GABRR3: variants seen among roughly 807,000 people sequenced by gnomAD.
GABRR3 encodes gamma-aminobutyric acid type A receptor subunit rho3.
In GABRR3, 29 loss-of-function variants were observed where a neutral mutation model predicts 43.2. That is an observed-to-expected ratio of 0.67 (90% confidence interval 0.50 to 0.92). The LOEUF is 0.92. GABRR3 is among the 40% of genes least tolerant of loss of function. The pLI, the probability that GABRR3 is intolerant of heterozygous loss-of-function variation, is 0.00. For synonymous variants in GABRR3, 206 were observed against 195.9 expected (o/e 1.05, Z -0.43); for missense variants, 576 against 572.3 (o/e 1.01, Z -0.07).
chr3:98,032,035 A>G (rs1455256307), intron 2 of GABRR3, among the ~76,000 whole-genome samples: 1 of 151,982 alleles, frequency 6.6e-6, no homozygotes, highest in Admixed American at 6.6e-5. Context: ...GGCTACCAAC[A>G]ACATGCATGG....
chr3:98,006,999 C>T (rs558378694), intron 7 of GABRR3, among the ~76,000 whole-genome samples: 4 of 152,170 alleles, frequency 2.6e-5, no homozygotes, highest in Admixed American at 2.6e-4. Context: ...GCATCTGTCA[C>T]GTGCCAAGAA....
At chr3:97,987,488 G>A (rs1291797967) in intron 9 of GABRR3, among the ~76,000 whole-genome samples, 2 of 152,336 alleles carry the variant, frequency 1.3e-5, no homozygotes, top group African/African-American at 4.8e-5. Context: ...GCAGCTGTTA[G>A]TAATTGCTCT....
intron 3 of GABRR3, among the ~76,000 whole-genome samples, chr3:98,018,044 T>C (rs1049850838): frequency 2.6e-5 from 4 of 151,272 alleles, no homozygotes; most frequent in African/African-American, 9.7e-5. Flanking sequence ...TTTTACCTAC[T>C]AGTGATTTAA....
chr3:98,028,297 G>A (rs1707046952), intron 2 of GABRR3, among the ~76,000 whole-genome samples: 1 of 152,034 alleles, frequency 6.6e-6, no homozygotes, highest in African/African-American at 2.4e-5. Flanking sequence ...TCATATATGT[G>A]GAAGTACATG....
chr3:98,022,543 C>T (rs1034820753), intron 3 of GABRR3, among the ~76,000 whole-genome samples: 9 of 152,054 alleles, frequency 5.9e-5, no homozygotes, highest in Non-Finnish European at 1.0e-4. Flanking sequence ...TCTGATTTCC[C>T]CAAGGAAGGC....
chr3:98,025,467 C>A, intron 3 of GABRR3, 100 bp downstream of exon 3: 1 of 691,264 alleles, frequency 1.4e-6, no homozygotes, highest in Non-Finnish European at 2.4e-6. Flanking sequence ...TTGTTTTAAA[C>A]TGATGGACTT....
rs554877377 is a variant in GABRR3, at chr3:98,026,142, C to T, written c.126-463G>A. Among the ~76,000 whole-genome samples the T allele has an allele frequency of 8.5e-5, 13 of 152,192 alleles. No homozygotes were observed. In the South Asian group the frequency reaches 1.0e-3, roughly 12 times the overall value. On this transcript the variant is annotated intron_variant, in intron 2 of 9. Transcript: ENST00000621172. ...TCTCTGCACGAAGACAGCGAGAAAACGAAAGGACCGCAAGATTGTAAACAG... is the reference window on the plus strand; with the variant it reads ...TCTCTGCACGAAGACAGCGAGAAAATGAAAGGACCGCAAGATTGTAAACAG...
chr3:98,012,521 C>T lies in GABRR3; in HGVS notation c.353G>A (p.Arg118Lys), dbSNP rs1706806839. Residue 118 changes from arginine (R) to lysine (K), a missense_variant, in exon 5 of 10, where the codon AGG becomes AAG. Physicochemically the swap from Arg to Lys is conservative, Grantham distance 26. Transcript: ENST00000621172. The stretch of plus-strand genomic sequence containing the variant: ...GTTTGCTGTGCTAGGAAAGGAGAGC[C>T]TCTCGTCTTTCCAGTAATGCCTGAG... 1 of 1,613,936 alleles carries T rather than the reference C, an allele frequency of 6.2e-7. No homozygotes were observed. The highest frequency in any genetic ancestry group is 1.3e-5 in the African/African-American group (1 of 75,028).
chr3:98,012,519 G>A, exon 5 of GABRR3: 2 of 1,613,972 alleles, frequency 1.2e-6, no homozygotes, highest in Non-Finnish European at 1.7e-6. Flanking sequence ...GGAAAGGAGA[G>A]CCTCTCGTCT....
chr3:97,989,478 G>A (rs1706434554), intron 9 of GABRR3, among the ~76,000 whole-genome samples: 1 of 151,370 alleles, frequency 6.6e-6, no homozygotes, highest in East Asian at 1.9e-4. Flanking sequence ...GATGGTGGTA[G>A]AGGGTGGATG....
At chr3:97,992,818 C>T (rs974489553) in intron 9 of GABRR3, 34 bp downstream of exon 9, 5 of 1,552,350 alleles carry the variant, frequency 3.2e-6, no homozygotes, top group Non-Finnish European at 2.6e-6. Context: ...TTCCACATTC[C>T]CCAAGGGATC....
At chr3:98,008,909 G>A (rs832029) in intron 6 of GABRR3, 47 bp downstream of exon 6, 825,796 of 1,037,800 alleles carry the variant, frequency 0.8, 331,490 homozygotes, top group East Asian at 0.99. Context: ...GTATGTGATG[G>A]TGTGTTCAAA....
chr3:97,995,992 C>G (rs1706549329), intron 8 of GABRR3, among the ~76,000 whole-genome samples: 1 of 152,126 alleles, frequency 6.6e-6, no homozygotes, highest in African/African-American at 2.4e-5. Context: ...CTCTTGCAGC[C>G]TCAACATATT....
At chr3:98,017,692 T>C in exon 4 of GABRR3, 1 of 1,611,298 alleles carries the variant, frequency 6.2e-7, no homozygotes, top group South Asian at 1.1e-5. Context: ...GCTTTCAACA[T>C]GGACATCTAT....
chr3:98,012,306 G>T, intron 5 of GABRR3, 38 bp downstream of exon 5: 1 of 1,506,736 alleles, frequency 6.6e-7, no homozygotes, highest in Non-Finnish European at 9.2e-7. Context: ...GATGGCTGCA[G>T]TACAGGGAAG....
chr3:98,033,234 C>T (rs1707112556), intron 2 of GABRR3, among the ~76,000 whole-genome samples: 1 of 152,078 alleles, frequency 6.6e-6, no homozygotes, highest in Admixed American at 6.6e-5. Flanking sequence ...TTAATGAATC[C>T]CATTCTGGCT....
intron 4 of GABRR3, 51 bp downstream of exon 4, chr3:98,017,604 C>T (rs1706886930): frequency 3.1e-6 from 4 of 1,311,310 alleles, no homozygotes; most frequent in Non-Finnish European, 4.3e-6. Context: ...TTTGACACTG[C>T]CGAGTTTCTG....
intron 9 of GABRR3, among the ~76,000 whole-genome samples, chr3:97,988,554 T>C (rs987594170): frequency 2.6e-5 from 4 of 151,798 alleles, no homozygotes; most frequent in African/African-American, 9.7e-5. Flanking sequence ...ATAGTAATAA[T>C]GTGAGATGGA....
intron 7 of GABRR3, among the ~76,000 whole-genome samples, chr3:98,002,107 A>G (rs1706654490): frequency 6.6e-6 from 1 of 152,130 alleles, no homozygotes. Context: ...TACATGACTA[A>G]TAATGGCATA....
Sources: allele counts gnomAD v4.1 joint callset (sites outside exome capture counted in the v4.1 genomes callset), GRCh38; gene constraint gnomAD v4.1.1; transcripts MANE v1.5; gene names NCBI Gene and HGNC (gene_info 2026-07-23, HGNC 2026-07-21).